TRIM23: variants seen among roughly 807,000 people sequenced by gnomAD.
TRIM23 encodes tripartite motif containing 23, also known as E3 ubiquitin-protein ligase TRIM23.
A neutral mutation model predicts 71.0 loss-of-function variants in TRIM23; 27 were observed. The observed-to-expected ratio is 0.38, with a 90% CI of 0.28 to 0.52. TRIM23 has a LOEUF of 0.52. TRIM23 is among the 20% of genes least tolerant of loss of function. The pLI is 0.84. For missense variants in TRIM23, 482 were observed against 692.3 expected (o/e 0.70, Z 3.41); for synonymous variants, 234 against 238.0 (o/e 0.98, Z 0.16).
intron 3 of TRIM23, among the ~76,000 whole-genome samples, chr5:65,612,630 C>A (rs900508133): frequency 2.6e-5 from 4 of 151,998 alleles, no homozygotes; most frequent in Non-Finnish European, 5.9e-5. Context: ...ACCAGCCTGG[C>A]CAACATGGGG....
chr5:65,616,628 T>C (rs1754785165), intron 2 of TRIM23, among the ~76,000 whole-genome samples: 1 of 124,986 alleles, frequency 8.0e-6, no homozygotes, highest in African/African-American at 3.1e-5. Flanking sequence ...GGTGACGGAG[T>C]AACACTCTGC....
intron 3 of TRIM23, chr5:65,613,694 G>T: frequency 8.7e-7 from 1 of 1,147,042 alleles, no homozygotes; most frequent in Non-Finnish European, 1.1e-6. Flanking sequence ...TATCTTTAAG[G>T]CATTTTCCCC....
At chr5:65,605,565 G>A (rs1424444073) in intron 6 of TRIM23, among the ~76,000 whole-genome samples, 1 of 151,988 alleles carries the variant, frequency 6.6e-6, no homozygotes, top group Non-Finnish European at 1.5e-5. Context: ...GAATACTTAT[G>A]CATACATTTC....
chr5:65,616,331 G>A (rs573658151), intron 2 of TRIM23, among the ~76,000 whole-genome samples: 1 of 152,230 alleles, frequency 6.6e-6, no homozygotes, highest in South Asian at 2.1e-4. Flanking sequence ...TATTAATGTA[G>A]AGAAGGTAAA....
At position 65,611,058 on chromosome 5, in the gene TRIM23, A is replaced by T. The variant is rs147913782; in HGVS notation, c.646-15T>A. The T allele has an allele frequency of 1.9e-6, 3 of 1,590,210 alleles. No individual in the cohort carries two copies. The highest frequency in any genetic ancestry group is 2.6e-6 in the Non-Finnish European group (3 of 1,172,632). ...AATACTGAATGCTATAAAATGTACC[A>T]TAATTAGAGAAAAGAACTCATAGTA... On this transcript the variant is annotated splice_polypyrimidine_tract_variant and intron_variant, in intron 4 of 10. Transcript: ENST00000231524.
Position 65,590,183 on chromosome 5 carries a change from A to G in TRIM23, c.*1586T>C. The stretch of plus-strand genomic sequence containing the variant: ...ACTAGTAAACAGTTCAAGTTCTCAC[A>G]AGCAATACAACACCTTTTTTATTTT... On this transcript the variant is annotated 3_prime_UTR_variant, in exon 11 of 11. Coordinates refer to ENST00000231524, the MANE Select transcript of TRIM23 (RefSeq NM_001656.4). 1.5e-6 allele frequency: 1 copy of G among 672,192 alleles called. No homozygotes were observed. Among genetic ancestry groups the G allele is most frequent in the African/African-American group, 1.9e-5 (1 of 53,770 alleles). 41.6% of individuals were successfully genotyped at this position (672,192 alleles called of 1,614,324 possible). A position where few individuals can be genotyped will look rare whatever the true frequency, so the allele number is the denominator to read the frequency against.
In TRIM23 at chr5:65,591,561, C is replaced by A; in HGVS notation, c.*208G>T. On this transcript the variant is annotated 3_prime_UTR_variant, in exon 11 of 11. Transcript: ENST00000231524. ...ATATTCAATAAGTTTCTATTTAATT[C>A]AATCTAATCTGCTCAATTAGAAATT... is the stretch of plus-strand genomic sequence containing the variant. 1.4e-6 allele frequency: 2 copies of A among 1,403,958 alleles called. No individual in the cohort carries two copies. Among genetic ancestry groups the A allele is most frequent in the South Asian group, 1.5e-5 (1 of 65,980 alleles). 87.0% of individuals were successfully genotyped at this position (1,403,958 alleles called of 1,614,324 possible). A position where few individuals can be genotyped will look rare whatever the true frequency, so the allele number is the denominator to read the frequency against.
rs74749943 is a variant in TRIM23 at position 65,617,523 on chromosome 5, A to C, written c.244+570T>G. On this transcript the variant is annotated intron_variant, in intron 2 of 10. Coordinates refer to ENST00000231524, the MANE Select transcript of TRIM23 (RefSeq NM_001656.4). ...TGTTAGTAAATGCTATTATTTCCAA[A>C]TCTGGTATCTGAAAATAACTTAGTT... 6.2e-3 allele frequency among the ~76,000 whole-genome samples: 949 copies of C among 152,322 alleles called. 11 individuals are homozygous for C. Among genetic ancestry groups the C allele is most frequent in the African/African-American group, 0.022 (908 of 41,586 alleles).
In TRIM23 at chr5:65,591,176, T is replaced by C; in HGVS notation, c.*593A>G. The C allele has an allele frequency of 8.1e-6, 9 of 1,115,504 alleles. No individual in the cohort carries two copies. The highest frequency in any genetic ancestry group is 9.9e-6 in the Non-Finnish European group (9 of 912,266). The allele number at this position is 1,115,504 out of a possible 1,614,324, so 69.1% of individuals were successfully genotyped here. On this transcript the variant is annotated 3_prime_UTR_variant, in exon 11 of 11. Transcript: ENST00000231524. ...GTAGGAGAAAGTTAATAAAACACTA[T>C]ATAAAGTATTAATTTTCTGTACCTT... is the stretch of plus-strand genomic sequence containing the variant.
At chr5:65,592,848 T>A (rs887370292) in intron 10 of TRIM23, among the ~76,000 whole-genome samples, 12 of 152,360 alleles carry the variant, frequency 7.9e-5, no homozygotes, top group African/African-American at 2.6e-4. Flanking sequence ...TTATTTTTAA[T>A]ATCAGAATTC....
chr5:65,591,521 T>C lies in TRIM23; in HGVS notation c.*248A>G. On this transcript the variant is annotated 3_prime_UTR_variant, in exon 11 of 11. Coordinates refer to ENST00000231524, the MANE Select transcript of TRIM23 (RefSeq NM_001656.4). ...TGAAAAACTTAAATAACAAATATAC[T>C]TTTTAAAAGAATGTATATTCAATAA... 1 of 1,520,116 alleles carries C rather than the reference T, an allele frequency of 6.6e-7. No homozygotes were observed. Among genetic ancestry groups the C allele is most frequent in the South Asian group, 1.2e-5 (1 of 80,426 alleles). The allele number at this position is 1,520,116 out of a possible 1,614,324, so 94.2% of individuals were successfully genotyped here. A position where few individuals can be genotyped will look rare whatever the true frequency, so the allele number is the denominator to read the frequency against.
intron 7 of TRIM23, among the ~76,000 whole-genome samples, chr5:65,599,251 T>C (rs535095920): frequency 6.6e-6 from 1 of 152,194 alleles, no homozygotes; most frequent in Non-Finnish European, 1.5e-5. Flanking sequence ...TCAGTTGCAT[T>C]TCTATACATT....
intron 2 of TRIM23, among the ~76,000 whole-genome samples, chr5:65,617,805 C>T (rs1299730029): frequency 1.3e-5 from 2 of 152,164 alleles, no homozygotes; most frequent in Non-Finnish European, 2.9e-5. Context: ...CTCTGTGATA[C>T]ACATTCTTAT....
In TRIM23 at chr5:65,594,662, A is replaced by C; in HGVS notation, c.1421-17T>G. ...ACACAACAGCTACCCAAAAAAAAAT[A>C]AAAAAAACAAAAATAGTCACTTGCT... is the stretch of plus-strand genomic sequence containing the variant. On this transcript the variant is annotated splice_polypyrimidine_tract_variant and intron_variant, in intron 9 of 10. Transcript: ENST00000231524. 6.5e-7 allele frequency: 1 copy of C among 1,532,164 alleles called. No individual in the cohort carries two copies. The highest frequency in any genetic ancestry group is 8.7e-7 in the Non-Finnish European group (1 of 1,143,892). 94.9% of individuals were successfully genotyped at this position (1,532,164 alleles called of 1,614,324 possible). A position where few individuals can be genotyped will look rare whatever the true frequency, so the allele number is the denominator to read the frequency against.
chr5:65,595,604 T>C (rs1293859442), intron 9 of TRIM23, among the ~76,000 whole-genome samples: 2 of 149,712 alleles, frequency 1.3e-5, no homozygotes, highest in African/African-American at 2.5e-5. Context: ...GGCATATACC[T>C]AGTCCTAACT....
Position 65,591,267 on chromosome 5 carries a change from A to C in TRIM23, c.*502T>G. Reference sequence around the variant, plus strand: ...TAAACATAAAGTAATCCTATTATCCAAATATGTAGTTTGGATTCTATTTCA... The same window carrying C: ...TAAACATAAAGTAATCCTATTATCCCAATATGTAGTTTGGATTCTATTTCA... On this transcript the variant is annotated 3_prime_UTR_variant, in exon 11 of 11. Coordinates refer to ENST00000231524, the MANE Select transcript of TRIM23 (RefSeq NM_001656.4). 2 of 1,337,716 alleles carry C rather than the reference A, an allele frequency of 1.5e-6. No homozygotes were observed. Among genetic ancestry groups the C allele is most frequent in the South Asian group, 3.4e-5 (2 of 59,342 alleles). 82.9% of individuals were successfully genotyped at this position (1,337,716 alleles called of 1,614,324 possible). A position where few individuals can be genotyped will look rare whatever the true frequency, so the allele number is the denominator to read the frequency against.
intron 5 of TRIM23, 32 bp from the exon 6 acceptor site, chr5:65,609,490 G>A (rs1303902043): frequency 3.2e-6 from 5 of 1,582,532 alleles, no homozygotes; most frequent in East Asian, 2.3e-5. Context: ...TTAAGCAACT[G>A]TAATGTTAAT....
At chr5:65,596,331 T>C in intron 9 of TRIM23, 90 bp downstream of exon 9, 1 of 881,942 alleles carries the variant, frequency 1.1e-6, no homozygotes, top group Non-Finnish European at 1.8e-6. Flanking sequence ...AACGACTTAA[T>C]CATAAGTATC....
intron 7 of TRIM23, among the ~76,000 whole-genome samples, chr5:65,603,061 A>G (rs1387661583): frequency 2.0e-5 from 3 of 152,240 alleles, no homozygotes; most frequent in African/African-American, 7.2e-5. Flanking sequence ...GCCAGCCACA[A>G]AAAGGCAAAT....
Sources: allele counts gnomAD v4.1 joint callset (sites outside exome capture counted in the v4.1 genomes callset), GRCh38; gene constraint gnomAD v4.1.1; transcripts MANE v1.5; gene names NCBI Gene and HGNC (gene_info 2026-07-23, HGNC 2026-07-21).